Variants in TRABD2A observed in about 807,000 individuals in gnomAD.
The protein encoded by TRABD2A is metalloprotease TIKI1.
TRABD2A carries 43 observed loss-of-function variants against 45.6 expected under a neutral mutation model. The observed-to-expected ratio is 0.94, with a 90% CI of 0.74 to 1.22. The LOEUF (loss-of-function observed/expected upper bound fraction) is 1.22, where lower values mean the gene tolerates loss of function less well. Among genes scored for constraint, TRABD2A ranks in the 50% most tolerant of loss-of-function variants. The pLI is 0.00. For missense variants in TRABD2A, 642 were observed against 652.4 expected (o/e 0.98, Z 0.17); for synonymous variants, 269 against 265.0 (o/e 1.02, Z -0.15).
At chr2:84,845,983 G>A (rs1013232267) in intron 2 of TRABD2A, among the ~76,000 whole-genome samples, 2 of 152,084 alleles carry the variant, frequency 1.3e-5, no homozygotes, top group Non-Finnish European at 1.5e-5. Flanking sequence ...GGAGGAGAAG[G>A]AAAGGCAGAG....
intron 1 of TRABD2A, among the ~76,000 whole-genome samples, chr2:84,872,042 CCT>C (rs1405324426): frequency 3.9e-5 from 6 of 152,138 alleles, no homozygotes; most frequent in Non-Finnish European, 8.8e-5. Context: ...ACTCCTGGCC[CCT>C]GAGTGTCTCT....
Position 84,821,796 on chromosome 2 carries a change from G to A in TRABD2A, c.*121C>T, listed in dbSNP as rs778838959. 1.1e-4 allele frequency: 120 copies of A among 1,086,870 alleles called. No homozygotes were observed. The highest frequency in any genetic ancestry group is 1.3e-4 in the Non-Finnish European group (104 of 816,206). The allele number at this position is 1,086,870 out of a possible 1,614,324, so 67.3% of individuals were successfully genotyped here. A position where few individuals can be genotyped will look rare whatever the true frequency, so the allele number is the denominator to read the frequency against. Reference sequence around the variant, plus strand: ...GAAAGAGAAGAATCAACACTGGGCCGCTTTTTCAAGAGCAGTCTCTTCTGG... The same window carrying A: ...GAAAGAGAAGAATCAACACTGGGCCACTTTTTCAAGAGCAGTCTCTTCTGG... On this transcript the variant is annotated 3_prime_UTR_variant, in exon 7 of 7. Coordinates refer to ENST00000409520, the MANE Select transcript of TRABD2A (RefSeq NM_001277053.2).
chr2:84,835,226 A>G, intron 4 of TRABD2A: 1 of 149,850 alleles, frequency 6.7e-6, no homozygotes, highest in African/African-American at 2.5e-5. Context: ...TACTAGAGGA[A>G]AAACTAGAGG....
intron 2 of TRABD2A, among the ~76,000 whole-genome samples, chr2:84,867,413 A>G (rs2105405732): frequency 6.6e-6 from 1 of 152,292 alleles, no homozygotes; most frequent in South Asian, 2.1e-4. Context: ...TCCCTTACTT[A>G]CACCTTATAC....
intron 1 of TRABD2A, chr2:84,875,139 CA>C: frequency 6.1e-6 from 1 of 164,660 alleles, no homozygotes; most frequent in Non-Finnish European, 1.3e-5. Flanking sequence ...GCAAAAACCA[CA>C]AAAAGAACAT....
intron 2 of TRABD2A, among the ~76,000 whole-genome samples, chr2:84,853,975 G>A (rs142767401): frequency 0.031 from 4,772 of 151,710 alleles, 261 homozygotes; most frequent in African/African-American, 0.11. Context: ...AGCAGAGATC[G>A]CCCCACTGCA....
chr2:84,856,658 A>T (rs1488588701), intron 2 of TRABD2A, among the ~76,000 whole-genome samples: 1 of 152,154 alleles, frequency 6.6e-6, no homozygotes, highest in Non-Finnish European at 1.5e-5. Context: ...AAGAATGCAC[A>T]TGGCCAGCTG....
chr2:84,856,286 C>T (rs925072600), intron 2 of TRABD2A, among the ~76,000 whole-genome samples: 1 of 152,000 alleles, frequency 6.6e-6, no homozygotes. Flanking sequence ...GGCTCATTTT[C>T]TACCTTCGCA....
In TRABD2A at chr2:84,881,049, G is replaced by A. The variant is rs1455226628; in HGVS notation, c.-10C>T. On this transcript the variant is annotated 5_prime_UTR_variant, in exon 1 of 7. Transcript: ENST00000409520. Reference sequence around the variant, plus strand: ...AGCTCCAGGGACTCATCCTCCTCAAGGCGGCTCCGAGGCCCGGAACGCGGA... The same window carrying A: ...AGCTCCAGGGACTCATCCTCCTCAAAGCGGCTCCGAGGCCCGGAACGCGGA... The A allele has an allele frequency of 1.4e-5, 23 of 1,590,538 alleles. No homozygotes were observed. Among genetic ancestry groups the A allele is most frequent in the Non-Finnish European group, 2.0e-5 (23 of 1,169,832 alleles).
intron 1 of TRABD2A, among the ~76,000 whole-genome samples, chr2:84,878,994 C>T (rs376501226): frequency 1.2e-4 from 19 of 152,310 alleles, no homozygotes; most frequent in African/African-American, 4.6e-4. Flanking sequence ...AAGGTCAAAA[C>T]TGTTTTTATA....
chr2:84,847,373 G>A (rs1222499187), intron 2 of TRABD2A, among the ~76,000 whole-genome samples: 1 of 152,194 alleles, frequency 6.6e-6, no homozygotes. Context: ...GGGGTTTCAG[G>A]ATGTGGCTTG....
At position 84,821,970 on chromosome 2, in the gene TRABD2A, G is replaced by C; in HGVS notation, c.1465C>G (p.Pro489Ala). The C allele has an allele frequency of 1.9e-6, 3 of 1,605,498 alleles. No homozygotes were observed. Among genetic ancestry groups the C allele is most frequent in the Non-Finnish European group, 2.6e-6 (3 of 1,176,164 alleles). ...ASSACLSLWT[P>A]VFWVLVLAFQ... Reference sequence around the variant, plus strand: ...GCCAGCACCAGCACCCAGAACACAGGAGTCCAGAGAGACAGGCAGGCACTG... The same window carrying C: ...GCCAGCACCAGCACCCAGAACACAGCAGTCCAGAGAGACAGGCAGGCACTG... The change falls in exon 7 of 7, where the codon CCT (proline) becomes GCT (alanine). Residue 489 changes from proline to alanine, a missense_variant. Transcript: ENST00000409520.
intron 5 of TRABD2A, among the ~76,000 whole-genome samples, chr2:84,829,550 C>CA (rs1681256826): frequency 6.7e-6 from 1 of 149,954 alleles, no homozygotes; most frequent in Admixed American, 6.6e-5. Flanking sequence ...AATACACACA[C>CA]CACACATACC....
chr2:84,832,305 A>C, intron 4 of TRABD2A, 160 bp from the exon 5 acceptor site: 1 of 672,082 alleles, frequency 1.5e-6, no homozygotes, highest in South Asian at 1.9e-5. Flanking sequence ...AGGCCTGCCA[A>C]CAGTCCTGCA....
At chr2:84,823,835 G>C in intron 6 of TRABD2A, 118 bp downstream of exon 6, 1 of 1,402,588 alleles carries the variant, frequency 7.1e-7, no homozygotes, top group Non-Finnish European at 9.5e-7. Flanking sequence ...GGGTCATGAG[G>C]AAAGGGAAAG....
Position 84,839,980 on chromosome 2 carries a change from C to A in TRABD2A, c.817-657G>T, listed in dbSNP as rs542231338. Among the ~76,000 whole-genome samples, 224 of 152,266 alleles carry A rather than the reference C, an allele frequency of 1.5e-3. 3 individuals carry two copies. The highest frequency in any genetic ancestry group is 4.8e-3 in the African/African-American group (201 of 41,540). On this transcript the variant is annotated intron_variant, in intron 3 of 6. Transcript: ENST00000409520. ...AGGAGCTACAGGTAAGGCTGGCACT[C>A]TGTGTTTTCTCCCCACCCCCTCAGC...
At position 84,828,159 on chromosome 2, in the gene TRABD2A, A is replaced by G. The variant is rs573132761; in HGVS notation, c.1082+3896T>C. Among the ~76,000 whole-genome samples, 6 of 152,244 alleles carry G rather than the reference A, an allele frequency of 3.9e-5. No homozygotes were observed. The South Asian group carries it at 1.2e-3, about 32-fold the overall frequency. Reference sequence around the variant, plus strand: ...TCTCTTCTCTGTTCTAAGAACAGCAACCTCACCTTCAGGAGCATTTCCTGT... The same window carrying G: ...TCTCTTCTCTGTTCTAAGAACAGCAGCCTCACCTTCAGGAGCATTTCCTGT... On this transcript the variant is annotated intron_variant, in intron 5 of 6. Coordinates refer to ENST00000409520, the MANE Select transcript of TRABD2A (RefSeq NM_001277053.2).
At chr2:84,837,951 A>G (rs930254397) in intron 4 of TRABD2A, 6 of 376,198 alleles carry the variant, frequency 1.6e-5, no homozygotes, top group Non-Finnish European at 2.8e-5. Context: ...TTCAATTAAT[A>G]TTGCTATTTC....
In TRABD2A at chr2:84,842,018, G is replaced by A. The variant is rs972506040; in HGVS notation, c.670-11C>T. On this transcript the variant is annotated splice_polypyrimidine_tract_variant and intron_variant, in intron 2 of 6. Coordinates refer to ENST00000409520, the MANE Select transcript of TRABD2A (RefSeq NM_001277053.2). ...CAAAGCAAAGATGACCTAAAAGAAA[G>A]GTCTCTTTTAAGTTCACTAACAAGG... 1.3e-6 allele frequency: 2 copies of A among 1,483,188 alleles called. No individual in the cohort carries two copies. Among genetic ancestry groups the A allele is most frequent in the African/African-American group, 2.8e-5 (2 of 70,376 alleles). 91.9% of individuals were successfully genotyped at this position (1,483,188 alleles called of 1,614,324 possible).
Sources: allele counts gnomAD v4.1 joint callset (sites outside exome capture counted in the v4.1 genomes callset), GRCh38; gene constraint gnomAD v4.1.1; transcripts MANE v1.5; gene names NCBI Gene and HGNC (gene_info 2026-07-23, HGNC 2026-07-21).